ODF2: variants seen among roughly 807,000 people sequenced by gnomAD.
ODF2 encodes outer dense fiber protein 2.
ODF2 carries 47 observed loss-of-function variants against 110.2 expected under a neutral mutation model. The ratio of observed to expected loss-of-function variants is 0.43; its 90% CI spans 0.34 to 0.54. The LOEUF (loss-of-function observed/expected upper bound fraction) is 0.54, where lower values mean the gene tolerates loss of function less well. Ranked by LOEUF, ODF2 falls within the 20% of genes least tolerant of loss-of-function variation. The probability of loss-of-function intolerance (pLI) is 0.03; values close to 1 mark genes in which losing one functional copy is unlikely to be tolerated. For missense variants in ODF2, 812 were observed against 1,054.5 expected (o/e 0.77, Z 3.19); for synonymous variants, 352 against 397.7 (o/e 0.89, Z 1.37).
chr9:128,456,546 T>A, intron 1 of ODF2: 1 of 1,527,332 alleles, frequency 6.5e-7, no homozygotes, highest in South Asian at 1.2e-5. Flanking sequence ...TTTCTCTCTA[T>A]GGGCAGAAAC....
At chr9:128,492,214 G>A (rs886770441) in intron 14 of ODF2, among the ~76,000 whole-genome samples, 4 of 152,006 alleles carry the variant, frequency 2.6e-5, no homozygotes, top group Non-Finnish European at 4.4e-5. Context: ...TTTGGATTAA[G>A]AAAAAACAGA....
chr9:128,499,869 C>T (rs944210156), intron 20 of ODF2, among the ~76,000 whole-genome samples, 198 bp from the exon 21 acceptor site: 1 of 152,148 alleles, frequency 6.6e-6, no homozygotes, highest in African/African-American at 2.4e-5. Context: ...CCTGACCTCC[C>T]GAAGTGTTGG....
At chr9:128,499,492 G>C (rs776760469) in intron 20 of ODF2, among the ~76,000 whole-genome samples, 1 of 151,996 alleles carries the variant, frequency 6.6e-6, no homozygotes, top group Non-Finnish European at 1.5e-5. Context: ...ATGGGGTTTC[G>C]CCATGTTGGC....
At chr9:128,456,236 G>A (rs1323625935) in exon 1 of ODF2, 3 of 1,545,812 alleles carry the variant, frequency 1.9e-6, no homozygotes, top group Non-Finnish European at 1.7e-6. Context: ...GCGTTTCTGG[G>A]CGCAGCCGTG....
chr9:128,471,618 C>T (rs1202106654), intron 6 of ODF2, 150 bp downstream of exon 6: 4 of 648,770 alleles, frequency 6.2e-6, no homozygotes, highest in Non-Finnish European at 7.8e-6. Flanking sequence ...CAATTAATTA[C>T]AGTTAATTAC....
chr9:128,455,919 T>TG (rs1834659204), upstream of ODF2: 4 of 1,374,810 alleles, frequency 2.9e-6, no homozygotes, highest in Non-Finnish European at 3.8e-6. Context: ...AGGCCTTGAA[T>TG]GGGGGGCGAG....
At position 128,461,276 on chromosome 9, in the gene ODF2, G is replaced by A. The variant is rs1836378580; in HGVS notation, c.249+209G>A. On this transcript the variant is annotated intron_variant, in intron 4 of 20. Transcript: ENST00000604420. ...GGAAGTCCTGCTGTCCAAAGGCAGAGATGAGGAACCAGACCTCAGAGAGAA... is the reference window on the plus strand; with the variant it reads ...GGAAGTCCTGCTGTCCAAAGGCAGAAATGAGGAACCAGACCTCAGAGAGAA... 3 of 599,022 alleles carry A rather than the reference G, an allele frequency of 5.0e-6. No homozygotes were observed. The South Asian group carries it at 6.5e-5, about 13-fold the overall frequency. 37.1% of individuals were successfully genotyped at this position (599,022 alleles called of 1,614,324 possible).
At chr9:128,460,702 G>C in intron 3 of ODF2, 36 bp downstream of exon 3, 1 of 1,612,190 alleles carries the variant, frequency 6.2e-7, no homozygotes, top group Non-Finnish European at 8.5e-7. Flanking sequence ...TAGTAGCTGT[G>C]GATCTGGGTG....
At chr9:128,489,744 T>A (rs1844160003) in intron 14 of ODF2, among the ~76,000 whole-genome samples, 1 of 152,194 alleles carries the variant, frequency 6.6e-6, no homozygotes, top group Admixed American at 6.5e-5. Flanking sequence ...TGAAGTAGAA[T>A]TGCCAGGTCA....
intron 10 of ODF2, among the ~76,000 whole-genome samples, chr9:128,483,692 C>G (rs1010988478): frequency 6.6e-6 from 1 of 151,930 alleles, no homozygotes; most frequent in Non-Finnish European, 1.5e-5. Context: ...CGAGACCAGT[C>G]TGGCCAACAT....
At chr9:128,456,325 C>T (rs1834764096) in intron 1 of ODF2, 70 bp downstream of exon 1, 3 of 1,465,622 alleles carry the variant, frequency 2.0e-6, no homozygotes, top group Non-Finnish European at 1.8e-6. Flanking sequence ...CGCCTTCGCA[C>T]CCCCGGCGCG....
rs1204658758 is a variant in ODF2, at chr9:128,471,483, GCT to G, written c.581+18_581+19del. The stretch of plus-strand genomic sequence containing the variant: ...GACTTCACCATGTAAGGTGGCTCCT[GCT>G]CTGTCCCCGCTGATCTATTCCTCCC... On this transcript the variant is annotated intron_variant, in intron 6 of 20. Transcript: ENST00000604420. 1.2e-6 allele frequency: 2 copies of G among 1,611,044 alleles called. No homozygotes were observed. The highest frequency in any genetic ancestry group is 1.7e-6 in the Non-Finnish European group (2 of 1,178,764).
At chr9:128,487,454 C>T (rs540855965) in intron 13 of ODF2, among the ~76,000 whole-genome samples, 2 of 152,036 alleles carry the variant, frequency 1.3e-5, no homozygotes, top group East Asian at 1.9e-4. Flanking sequence ...GTGATGAGAA[C>T]GCTGGGTCCC....
In ODF2 at chr9:128,460,448, T is replaced by C. The variant is rs1836135665; in HGVS notation, c.124-494T>C. The C allele has an allele frequency of 3.1e-5, 47 of 1,537,014 alleles. 1 individual carries two copies. In the South Asian group the frequency reaches 5.8e-4, roughly 19 times the overall value. On this transcript the variant is annotated intron_variant, in intron 3 of 20. Coordinates refer to ENST00000604420, the Ensembl canonical transcript of ODF2. The stretch of plus-strand genomic sequence containing the variant: ...GTAGCTGTCCTGCTCGCTTGGTGGC[T>C]AGGCTTTTTGGTGGCCCCCAGAGGC...
In ODF2 at chr9:128,494,608, G is replaced by A; in HGVS notation, c.1851G>A (p.Leu617=). The stretch of plus-strand genomic sequence containing the variant: ...AGCTGGCTGAGTGCCAAGACCAACT[G>A]CAGGGCTATGAGCGGAAGAACATCG... The change falls in exon 17 of 21, where the codon CTG becomes CTA. Residue 617 remains leucine, a synonymous_variant. Transcript: ENST00000604420. The surrounding 1 kb of genome is among the most constrained non-coding windows in gnomAD (Gnocchi z 4.6). 1 of 1,614,184 alleles carries A rather than the reference G, an allele frequency of 6.2e-7. No individual in the cohort carries two copies. The highest frequency in any genetic ancestry group is 8.5e-7 in the Non-Finnish European group (1 of 1,180,038).
chr9:128,471,352 G>A (rs780716524), exon 6 of ODF2: 1 of 1,613,308 alleles, frequency 6.2e-7, no homozygotes, highest in Non-Finnish European at 8.5e-7. Flanking sequence ...AAAGGTTCCT[G>A]GAGGAACGGA....
chr9:128,489,955 C>T (rs937667506), intron 14 of ODF2, among the ~76,000 whole-genome samples: 2 of 152,160 alleles, frequency 1.3e-5, no homozygotes, highest in African/African-American at 4.8e-5. Context: ...TATTGAGTGT[C>T]TTATTTTATG....
chr9:128,473,570 T>C (rs1840564438), intron 7 of ODF2, 40 bp from the exon 8 acceptor site: 4 of 1,609,374 alleles, frequency 2.5e-6, no homozygotes, highest in Admixed American at 3.3e-5. Context: ...CTTCTTCCCT[T>C]CTCCCCCTGC....
In ODF2 at chr9:128,498,293, C is replaced by T. The variant is rs1268437933; in HGVS notation, c.2013-120C>T. ...AGATTTCTTTGGCTTATTCCTGTGG[C>T]TCCTTGGAGATTCTTGGCATGATGA... On this transcript the variant is annotated intron_variant, in intron 18 of 20. Coordinates refer to ENST00000604420, the Ensembl canonical transcript of ODF2. 4 of 1,381,882 alleles carry T rather than the reference C, an allele frequency of 2.9e-6. 1 individual carries two copies. Among genetic ancestry groups the T allele is most frequent in the Non-Finnish European group, 9.4e-7 (1 of 1,060,794 alleles). The allele number at this position is 1,381,882 out of a possible 1,614,324, so 85.6% of individuals were successfully genotyped here. A position where few individuals can be genotyped will look rare whatever the true frequency, so the allele number is the denominator to read the frequency against.
Sources: gnomAD v4.1 joint callset for allele counts (sites outside exome capture counted in the v4.1 genomes callset) on GRCh38, gnomAD v4.1.1 for gene constraint, Gnocchi (gnomAD v3.1) non-coding constraint, MANE v1.5 for transcripts, NCBI Gene and HGNC (gene_info 2026-07-23, HGNC 2026-07-21) for gene names.